The following ADGRL2 variants were observed in gnomAD, a reference collection of about 807,000 sequenced individuals.
ADGRL2 encodes calcium-independent alpha-latrotoxin receptor 2.
ADGRL2 carries 44 observed loss-of-function variants against 157.4 expected under a neutral mutation model. That is an observed-to-expected ratio of 0.28 (90% CI 0.22 to 0.36). ADGRL2 has a LOEUF of 0.36. ADGRL2 is among the 10% of genes least tolerant of loss of function. ADGRL2 has a pLI of 1.00. For missense variants in ADGRL2, 1,510 were observed against 1,768.9 expected, an observed-to-expected ratio of 0.85 and a Z score of 2.63; for synonymous variants, 585 against 624.7, an observed-to-expected ratio of 0.94 and a Z score of 0.95.
chr1:81,388,063 TTC>T (rs2076469244), intron 1 of ADGRL2, among the ~76,000 whole-genome samples: 1 of 152,160 alleles, frequency 6.6e-6, no homozygotes. Context: ...TTTTCAAATG[TTC>T]TGTCACTTTT....
At chr1:81,740,269 C>T (rs891990557) in intron 1 of ADGRL2, among the ~76,000 whole-genome samples, 2 of 152,034 alleles carry the variant, frequency 1.3e-5, no homozygotes, top group South Asian at 2.1e-4. Flanking sequence ...AAATGCCTAC[C>T]GAGTACATAC....
chr1:81,810,042 G>C (rs2089664085), intron 1 of ADGRL2, among the ~76,000 whole-genome samples: 1 of 151,834 alleles, frequency 6.6e-6, no homozygotes, highest in African/African-American at 2.4e-5. Flanking sequence ...AATGGCACTT[G>C]ACTGCTGGGG....
chr1:81,951,164 C>A, intron 8 of ADGRL2, 43 bp downstream of exon 8: 1 of 1,249,464 alleles, frequency 8.0e-7, no homozygotes, highest in Non-Finnish European at 1.2e-6. Flanking sequence ...TGATTTAGGG[C>A]ATTAACTTCT....
intron 2 of ADGRL2, among the ~76,000 whole-genome samples, chr1:81,555,183 A>G (rs1379819873): frequency 1.3e-5 from 2 of 152,090 alleles, no homozygotes; most frequent in Non-Finnish European, 2.9e-5. Flanking sequence ...GATGTGATCT[A>G]ATAAGATCTA....
Position 81,942,966 on chromosome 1 carries a change from T to TA in ADGRL2, c.410-2dup, listed in dbSNP as rs750832623. 3.7e-6 allele frequency: 6 copies of TA among 1,600,834 alleles called. No individual in the cohort carries two copies. In the South Asian group the frequency reaches 6.6e-5, roughly 18 times the overall value. On this transcript the variant is annotated splice_region_variant and splice_polypyrimidine_tract_variant and intron_variant, in intron 5 of 23. Transcript: ENST00000686636. The stretch of plus-strand genomic sequence containing the variant: ...AATTTTTGTCTTTCTCTGTAACTGT[T>TA]AGTTTTTGTGTGTCCTGGGACCTTG...
chr1:81,337,903 G>A (rs1380397004), intron 1 of ADGRL2, among the ~76,000 whole-genome samples: 2 of 152,046 alleles, frequency 1.3e-5, no homozygotes, highest in Non-Finnish European at 2.9e-5. Flanking sequence ...GAAAATAGGG[G>A]TACAAATAGG....
chr1:81,523,990 G>A (rs1004925829), intron 2 of ADGRL2, among the ~76,000 whole-genome samples: 16 of 151,928 alleles, frequency 1.1e-4, no homozygotes, highest in African/African-American at 2.9e-4. Flanking sequence ...GCTTGAACCC[G>A]GGAGGTGAAG....
chr1:81,474,272 C>CT lies in ADGRL2; in HGVS notation c.-248+29184dup, dbSNP rs2078229292. Among the ~76,000 whole-genome samples, 5 of 152,188 alleles carry CT rather than the reference C, an allele frequency of 3.3e-5. No individual in the cohort carries two copies. The South Asian group carries it at 1.0e-3, about 31-fold the overall frequency. On this transcript the variant is annotated intron_variant, in intron 2 of 24. Transcript: ENST00000370721. Reference sequence around the variant, plus strand: ...AGAAAAGAATCATTATGTTTATTGTCTGTCTCCCCCATTAGAATTTAAGCT... The same window carrying CT: ...AGAAAAGAATCATTATGTTTATTGTCTTGTCTCCCCCATTAGAATTTAAGCT...
At chr1:81,921,492 CTG>C (rs2094977210) in intron 3 of ADGRL2, among the ~76,000 whole-genome samples, 1 of 152,156 alleles carries the variant, frequency 6.6e-6, no homozygotes, top group South Asian at 2.1e-4. Context: ...TGTGCTTACT[CTG>C]TTTATATCTG....
chr1:81,412,012 AG>A (rs2076954418), intron 1 of ADGRL2, among the ~76,000 whole-genome samples: 1 of 152,238 alleles, frequency 6.6e-6, no homozygotes, highest in African/African-American at 2.4e-5. Context: ...ATTTTAACCA[AG>A]GGAAAAATAC....
intron 3 of ADGRL2, among the ~76,000 whole-genome samples, chr1:81,665,661 T>C (rs1447691285): frequency 6.6e-6 from 1 of 152,126 alleles, no homozygotes; most frequent in African/African-American, 2.4e-5. Context: ...GATGTTATAA[T>C]TCATAAATCT....
At chr1:81,517,464 CAAAAAAAAAAA>C (rs397956551) in intron 2 of ADGRL2, among the ~76,000 whole-genome samples, 4 of 45,278 alleles carry the variant, frequency 8.8e-5, no homozygotes, top group East Asian at 7.5e-4. Flanking sequence ...GACTCCCTCT[CAAAAAAAAAAA>C]AAAAAAAAAA....
At chr1:81,677,552 T>A (rs977399034) in intron 3 of ADGRL2, among the ~76,000 whole-genome samples, 1 of 152,182 alleles carries the variant, frequency 6.6e-6, no homozygotes, top group African/African-American at 2.4e-5. Flanking sequence ...AGAAAACTGT[T>A]CAAGTTGACC....
chr1:81,476,726 C>T (rs954830418), intron 2 of ADGRL2, among the ~76,000 whole-genome samples: 19 of 152,216 alleles, frequency 1.2e-4, no homozygotes, highest in African/African-American at 4.6e-4. Flanking sequence ...CACCTTCTTT[C>T]AGATAACATT....
At chr1:81,377,232 TA>T (rs72309866) in intron 1 of ADGRL2, among the ~76,000 whole-genome samples, 87,664 of 151,720 alleles carry the variant, frequency 0.58, 26,175 homozygotes, top group East Asian at 0.94. Context: ...GCATTTCTAG[TA>T]AAAAAACATC....
chr1:81,976,190 T>C (rs556954271), intron 17 of ADGRL2, among the ~76,000 whole-genome samples: 1 of 152,154 alleles, frequency 6.6e-6, no homozygotes, highest in African/African-American at 2.4e-5. Flanking sequence ...GTAAATAATA[T>C]GTATTGGTGA....
chr1:81,443,641 T>C, intron 1 of ADGRL2, among the ~76,000 whole-genome samples: 1 of 152,182 alleles, frequency 6.6e-6, no homozygotes. Context: ...ATTTTGAATT[T>C]TGGAAAGTAA....
chr1:81,445,801 T>C (rs2077586756), intron 2 of ADGRL2, among the ~76,000 whole-genome samples: 1 of 152,196 alleles, frequency 6.6e-6, no homozygotes, highest in Admixed American at 6.5e-5. Context: ...CACATTCTTA[T>C]TTGCAAAATG....
intron 1 of ADGRL2, among the ~76,000 whole-genome samples, chr1:81,318,928 CTTTTTTTTTTT>C (rs397980625): frequency 4.4e-5 from 2 of 45,794 alleles, no homozygotes; most frequent in African/African-American, 9.6e-5. Flanking sequence ...TCCATCAATT[CTTTTTTTTTTT>C]TTTTTTTTTT....
Sources: allele counts gnomAD v4.1 joint callset (sites outside exome capture counted in the v4.1 genomes callset), GRCh38; gene constraint gnomAD v4.1.1; transcripts MANE v1.5; gene names NCBI Gene and HGNC (gene_info 2026-07-23, HGNC 2026-07-21).